EPHA5: variants seen among roughly 807,000 people sequenced by gnomAD.
EPHA5 encodes the protein ephrin type-A receptor 5.
Under a neutral mutation model 105.0 loss-of-function variants are expected in EPHA5, and 60 were observed. That is an observed-to-expected ratio of 0.57 (90% confidence interval 0.46 to 0.71). EPHA5 has a LOEUF of 0.71. Ranked by LOEUF, EPHA5 falls within the 30% of genes least tolerant of loss-of-function variation. The pLI, the probability that EPHA5 is intolerant of heterozygous loss-of-function variation, is 0.00. For synonymous variants in EPHA5, 513 were observed against 449.1 expected, an observed-to-expected ratio of 1.14 and a Z score of -1.80; for missense variants, 1,218 against 1,274.7, an observed-to-expected ratio of 0.96 and a Z score of 0.68.
intron 5 of EPHA5, among the ~76,000 whole-genome samples, chr4:65,424,413 G>C (rs781496195): frequency 2.2e-4 from 33 of 152,002 alleles, no homozygotes; most frequent in Non-Finnish European, 2.4e-4. Flanking sequence ...ATGTAATTCT[G>C]TTAGTTAGTT....
rs777373007 is a variant in EPHA5, at chr4:65,414,241, A to G, written c.1687+43T>C. On this transcript the variant is annotated intron_variant, in intron 7 of 16. Coordinates refer to ENST00000613740, the MANE Select transcript of EPHA5 (RefSeq NM_001281766.3). ...TTGATCCACTGACTCTTTTCTGGTAACCATTACTGAGACATGAGCTGACAG... is the reference window on the plus strand; with the variant it reads ...TTGATCCACTGACTCTTTTCTGGTAGCCATTACTGAGACATGAGCTGACAG... 1.9e-6 allele frequency: 3 copies of G among 1,583,780 alleles called. No homozygotes were observed. The South Asian group carries it at 3.3e-5, about 18-fold the overall frequency.
chr4:65,664,038 T>A (rs1049249418), intron 1 of EPHA5, among the ~76,000 whole-genome samples: 3 of 151,930 alleles, frequency 2.0e-5, no homozygotes, highest in African/African-American at 7.2e-5. Context: ...CTGCTTCCAT[T>A]TTTACCTTGC....
At chr4:65,606,242 C>T (rs903161537) in intron 2 of EPHA5, among the ~76,000 whole-genome samples, 5 of 152,058 alleles carry the variant, frequency 3.3e-5, no homozygotes, top group African/African-American at 9.7e-5. Context: ...ATTTTCTTAT[C>T]GTCAACTGTA....
intron 3 of EPHA5, among the ~76,000 whole-genome samples, chr4:65,561,899 A>G (rs1560699581): frequency 6.6e-6 from 1 of 152,092 alleles, no homozygotes; most frequent in Non-Finnish European, 1.5e-5. Context: ...CTCAATACAG[A>G]AGAATTTGTC....
intron 8 of EPHA5, among the ~76,000 whole-genome samples, chr4:65,394,787 A>G (rs776416821): frequency 3.3e-5 from 5 of 152,188 alleles, no homozygotes; most frequent in Non-Finnish European, 5.9e-5. Context: ...TATTACTTGT[A>G]AAACCTTTAG....
chr4:65,352,846 T>A (rs1489806475), intron 12 of EPHA5, among the ~76,000 whole-genome samples, 196 bp downstream of exon 12: 1 of 151,736 alleles, frequency 6.6e-6, no homozygotes, highest in Non-Finnish European at 1.5e-5. Context: ...TAATTTGGAT[T>A]TGTGTGAGTT....
At chr4:65,598,242 T>C (rs1024475851) in intron 3 of EPHA5, among the ~76,000 whole-genome samples, 1 of 152,048 alleles carries the variant, frequency 6.6e-6, no homozygotes, top group African/African-American at 2.4e-5. Context: ...CAATCACATA[T>C]GACTTAATAC....
intron 5 of EPHA5, among the ~76,000 whole-genome samples, chr4:65,488,283 A>C (rs1009273225): frequency 6.6e-6 from 1 of 152,232 alleles, no homozygotes; most frequent in East Asian, 1.9e-4. Context: ...TACCTAGTTT[A>C]TCAAAGGAAT....
In EPHA5 at chr4:65,456,266, T is replaced by C. The variant is rs1328868001; in HGVS notation, c.1402+34111A>G. On this transcript the variant is annotated intron_variant, in intron 5 of 16. Transcript: ENST00000613740. ...CTGTATTTGCCTTCCTTGGCCGATT[T>C]CACAGCATTAATTACTGCAGTTTTA... 2.0e-5 allele frequency among the ~76,000 whole-genome samples: 3 copies of C among 152,234 alleles called. No homozygotes were observed. The East Asian group carries it at 5.8e-4, about 29-fold the overall frequency.
chr4:65,376,796 T>C (rs894500453), intron 8 of EPHA5, among the ~76,000 whole-genome samples: 5 of 152,012 alleles, frequency 3.3e-5, no homozygotes, highest in African/African-American at 1.2e-4. Context: ...AAGAGACGTA[T>C]GAATGCTTGA....
intron 5 of EPHA5, among the ~76,000 whole-genome samples, chr4:65,425,853 T>C (rs1377131097): frequency 6.6e-6 from 1 of 152,150 alleles, no homozygotes; most frequent in Non-Finnish European, 1.5e-5. Flanking sequence ...GTTGGTAATT[T>C]GATTTGTTTG....
At chr4:65,597,025 C>G (rs1248516211) in intron 3 of EPHA5, among the ~76,000 whole-genome samples, 1 of 152,144 alleles carries the variant, frequency 6.6e-6, no homozygotes, top group Non-Finnish European at 1.5e-5. Flanking sequence ...TGAATCAAGG[C>G]TCTTTCTTGA....
At chr4:65,328,959 T>C (rs1720341747) in intron 16 of EPHA5, among the ~76,000 whole-genome samples, 1 of 151,296 alleles carries the variant, frequency 6.6e-6, no homozygotes, top group Non-Finnish European at 1.5e-5. Context: ...CAGTAACTGA[T>C]GATAACAGGA....
chr4:65,551,810 A>G (rs954817818), intron 3 of EPHA5, among the ~76,000 whole-genome samples: 3 of 152,082 alleles, frequency 2.0e-5, no homozygotes, highest in African/African-American at 4.8e-5. Context: ...TTAATTTCAG[A>G]CTCCAATACT....
intron 1 of EPHA5, among the ~76,000 whole-genome samples, chr4:65,660,523 A>C (rs1488964714): frequency 6.6e-6 from 1 of 152,164 alleles, no homozygotes; most frequent in African/African-American, 2.4e-5. Flanking sequence ...GAGGAAAGAT[A>C]GGGACTAACA....
chr4:65,398,581 C>T (rs561101581), intron 8 of EPHA5, among the ~76,000 whole-genome samples: 14 of 152,296 alleles, frequency 9.2e-5, no homozygotes, highest in African/African-American at 3.1e-4. Flanking sequence ...GGTGCTTTCT[C>T]TCGCCTGCCT....
At chr4:65,493,803 G>T (rs1731657718) in intron 4 of EPHA5, among the ~76,000 whole-genome samples, 1 of 150,656 alleles carries the variant, frequency 6.6e-6, no homozygotes. Context: ...TAACAAATTT[G>T]CAGAAAGGGA....
chr4:65,484,362 A>T (rs1240134397), intron 5 of EPHA5, among the ~76,000 whole-genome samples: 1 of 152,202 alleles, frequency 6.6e-6, no homozygotes, highest in Non-Finnish European at 1.5e-5. Context: ...GAAAAGACCC[A>T]TTGAACTGGT....
At chr4:65,636,927 A>G (rs1248317282) in intron 2 of EPHA5, among the ~76,000 whole-genome samples, 1 of 152,140 alleles carries the variant, frequency 6.6e-6, no homozygotes, top group East Asian at 1.9e-4. Context: ...AGGGAAATAC[A>G]CTAGGAGCCT....
Sources: allele counts gnomAD v4.1 joint callset (sites outside exome capture counted in the v4.1 genomes callset), GRCh38; gene constraint gnomAD v4.1.1; transcripts MANE v1.5; gene names NCBI Gene and HGNC (gene_info 2026-07-23, HGNC 2026-07-21).